CABIN1: variants seen among roughly 807,000 people sequenced by gnomAD.
CABIN1 encodes the protein calcineurin-binding protein cabin-1.
CABIN1 carries 133 observed loss-of-function variants against 227.7 expected under a neutral mutation model. That is an observed-to-expected ratio of 0.58 (90% confidence interval 0.51 to 0.67). The LOEUF is 0.67. Ranked by LOEUF, CABIN1 falls within the 30% of genes least tolerant of loss-of-function variation. The pLI, the probability that CABIN1 is intolerant of heterozygous loss-of-function variation, is 0.00. For synonymous variants in CABIN1, 1,086 were observed against 1,155.1 expected (o/e 0.94, Z 1.21); for missense variants, 2,408 against 2,852.5 (o/e 0.84, Z 3.55).
intron 28 of CABIN1, among the ~76,000 whole-genome samples, chr22:24,122,055 C>G (rs1170778772): frequency 7.4e-6 from 1 of 134,484 alleles, no homozygotes; most frequent in Admixed American, 7.4e-5. Context: ...ACGGGCCCCA[C>G]CCACCCACCC....
intron 29 of CABIN1, among the ~76,000 whole-genome samples, chr22:24,160,936 G>A (rs1021002304): frequency 6.6e-6 from 1 of 152,154 alleles, no homozygotes; most frequent in Non-Finnish European, 1.5e-5. Flanking sequence ...AAGTCTTCGT[G>A]GGTTCCCAAA....
In CABIN1 at chr22:24,064,061, C is replaced by G; in HGVS notation, c.1911C>G (p.Asn637Lys). 1 of 1,614,196 alleles carries G rather than the reference C, an allele frequency of 6.2e-7. No individual in the cohort carries two copies. Reference sequence around the variant, plus strand: ...GAGACATGGAGCAGGCCCTGGAGAACTATGACATCTGCACAGAAATGCTCC... The same window carrying G: ...GAGACATGGAGCAGGCCCTGGAGAAGTATGACATCTGCACAGAAATGCTCC... Reference protein sequence around the residue: ...LQGDMEQALENYDICTEMLQS... With the variant: ...LQGDMEQALEKYDICTEMLQS... The change falls in exon 15 of 37, where the codon AAC (asparagine) becomes AAG (lysine). Residue 637 changes from asparagine (N) to lysine (K), a missense_variant. This residue lies in a region of CABIN1 where 1,045 missense variants were observed against 1,168.4 expected (regional missense o/e 0.89). Coordinates refer to ENST00000263119, the MANE Select transcript of CABIN1 (RefSeq NM_012295.4).
intron 1 of CABIN1, among the ~76,000 whole-genome samples, chr22:24,033,534 C>T (rs2036646626): frequency 6.6e-6 from 1 of 152,188 alleles, no homozygotes; most frequent in Non-Finnish European, 1.5e-5. Context: ...CCACTGCCTG[C>T]TGGGCCCTTC....
chr22:24,132,038 G>A (rs1179423309), intron 28 of CABIN1, among the ~76,000 whole-genome samples: 1 of 151,038 alleles, frequency 6.6e-6, no homozygotes, highest in African/African-American at 2.4e-5. Flanking sequence ...CTCCACCCTG[G>A]GTTACGGAGT....
At chr22:24,168,681 T>C (rs934692468) in intron 33 of CABIN1, 160 bp downstream of exon 33, 4 of 722,062 alleles carry the variant, frequency 5.5e-6, no homozygotes, top group Non-Finnish European at 9.9e-6. Context: ...CTCCAGCACG[T>C]GGCCATAGTG....
Position 24,079,736 on chromosome 22 carries a change from T to C in CABIN1, c.2748+3452T>C, listed in dbSNP as rs146713354. Among the ~76,000 whole-genome samples, 1,331 of 152,300 alleles carry C rather than the reference T, an allele frequency of 8.7e-3. 21 individuals are homozygous for C. Among genetic ancestry groups the C allele is most frequent in the African/African-American group, 0.03 (1,247 of 41,562 alleles). On this transcript the variant is annotated intron_variant, in intron 19 of 36. Coordinates refer to ENST00000263119, the MANE Select transcript of CABIN1 (RefSeq NM_012295.4). The stretch of plus-strand genomic sequence containing the variant: ...GCCTGTTCACATGATTTGCCCATCT[T>C]TCTAGTGGTTTGTTTTTCTTTTTCC...
intron 26 of CABIN1, among the ~76,000 whole-genome samples, chr22:24,106,425 G>T (rs1387296808): frequency 6.6e-6 from 1 of 152,186 alleles, no homozygotes; most frequent in African/African-American, 2.4e-5. Context: ...CAGGAATGGG[G>T]GTGGCTCTGG....
chr22:24,142,107 C>A (rs897466985), intron 29 of CABIN1, among the ~76,000 whole-genome samples: 3 of 152,086 alleles, frequency 2.0e-5, no homozygotes, highest in African/African-American at 7.2e-5. Flanking sequence ...GGAGGAACCC[C>A]CTCCCTGCAC....
chr22:24,062,108 C>T, intron 13 of CABIN1, 83 bp downstream of exon 13: 1 of 1,174,902 alleles, frequency 8.5e-7, no homozygotes, highest in Non-Finnish European at 1.3e-6. Flanking sequence ...GAGACTGAGT[C>T]ATGGAATTTA....
intron 28 of CABIN1, 62 bp downstream of exon 28, chr22:24,119,760 G>A: frequency 6.8e-7 from 1 of 1,469,190 alleles, no homozygotes; most frequent in Non-Finnish European, 9.5e-7. Flanking sequence ...ATCTTTGAAG[G>A]TTGGTGGGCA....
At chr22:24,014,057 C>G (rs915059083) in intron 1 of CABIN1, among the ~76,000 whole-genome samples, 3 of 152,190 alleles carry the variant, frequency 2.0e-5, no homozygotes, top group Admixed American at 6.5e-5. Context: ...AAATTACTAT[C>G]CCTTTCTAAT....
chr22:24,136,603 T>C (rs2148248059), intron 29 of CABIN1, among the ~76,000 whole-genome samples: 1 of 147,266 alleles, frequency 6.8e-6, no homozygotes, highest in South Asian at 2.2e-4. Context: ...TGGCCTCAAG[T>C]GATCCGCCCT....
chr22:24,068,959 G>A (rs955614944), intron 16 of CABIN1, among the ~76,000 whole-genome samples: 105 of 152,236 alleles, frequency 6.9e-4, no homozygotes, highest in Admixed American at 1.4e-3. Context: ...GTTCTCGAGG[G>A]GGGGCAGACA....
At chr22:24,043,864 A>G (rs1301141567) in intron 6 of CABIN1, among the ~76,000 whole-genome samples, 2 of 152,256 alleles carry the variant, frequency 1.3e-5, no homozygotes, top group African/African-American at 2.4e-5. Context: ...GTGAATACAG[A>G]TAAATTAATG....
At chr22:24,049,296 C>T in intron 7 of CABIN1, 76 bp downstream of exon 7, 1 of 1,559,076 alleles carries the variant, frequency 6.4e-7, no homozygotes, top group East Asian at 2.3e-5. Flanking sequence ...ACACCACATT[C>T]TCCCCTCAGG....
chr22:24,046,255 G>T (rs1261035717), intron 6 of CABIN1, among the ~76,000 whole-genome samples: 1 of 152,200 alleles, frequency 6.6e-6, no homozygotes, highest in Non-Finnish European at 1.5e-5. Flanking sequence ...TTTGCACAAT[G>T]TAGCCATTCT....
intron 18 of CABIN1, among the ~76,000 whole-genome samples, chr22:24,073,626 A>G (rs967984546): frequency 6.6e-6 from 1 of 152,108 alleles, no homozygotes; most frequent in African/African-American, 2.4e-5. Context: ...ACTATCTAAC[A>G]CCAGGATGGT....
At chr22:24,067,329 T>C (rs1178339170) in intron 16 of CABIN1, 148 bp downstream of exon 16, 1 of 863,528 alleles carries the variant, frequency 1.2e-6, no homozygotes, top group African/African-American at 1.7e-5. Context: ...AGGAAGATGT[T>C]AGTCAGAAGA....
chr22:24,088,620 T>G (rs901102581), intron 23 of CABIN1, among the ~76,000 whole-genome samples: 1 of 151,704 alleles, frequency 6.6e-6, no homozygotes, highest in African/African-American at 2.4e-5. Context: ...AAAAAAAAAT[T>G]ACTCTTAAAT....
Sources: allele counts gnomAD v4.1 joint callset (sites outside exome capture counted in the v4.1 genomes callset), GRCh38; gene constraint gnomAD v4.1.1; regional missense constraint gnomAD v4.1.1; transcripts MANE v1.5; gene names NCBI Gene and HGNC (gene_info 2026-07-23, HGNC 2026-07-21).